SGK1: variants seen among roughly 807,000 people sequenced by gnomAD.
SGK1 encodes serum/glucocorticoid regulated kinase 1, also known as serine/threonine-protein kinase Sgk1.
SGK1 carries 26 observed loss-of-function variants against 64.2 expected under a neutral mutation model. The observed-to-expected ratio is 0.40, with a 90% CI of 0.30 to 0.56. The LOEUF (loss-of-function observed/expected upper bound fraction) is 0.56, where lower values mean the gene tolerates loss of function less well. Ranked by LOEUF, SGK1 falls within the 20% of genes least tolerant of loss-of-function variation. SGK1 has a pLI of 0.38. For missense variants in SGK1, 519 were observed against 645.6 expected, an observed-to-expected ratio of 0.80 and a Z score of 2.12; for synonymous variants, 265 against 239.7, an observed-to-expected ratio of 1.11 and a Z score of -0.98.
At chr6:134,183,043 C>T (rs115181484) in intron 3 of SGK1, among the ~76,000 whole-genome samples, 1,609 of 152,232 alleles carry the variant, frequency 0.011, 38 homozygotes, top group African/African-American at 0.037. Context: ...TCATACTTAT[C>T]GTGCTTTTTC....
At chr6:134,207,099 G>A (rs537147653) in intron 3 of SGK1, among the ~76,000 whole-genome samples, 8 of 151,910 alleles carry the variant, frequency 5.3e-5, no homozygotes, top group East Asian at 1.9e-4. Flanking sequence ...GGTGGCGGGC[G>A]CCTACAGTCC....
chr6:134,197,885 A>G (rs888661084), intron 3 of SGK1, among the ~76,000 whole-genome samples: 2 of 88,520 alleles, frequency 2.3e-5, no homozygotes, highest in African/African-American at 7.6e-5. Context: ...AAAATATAAA[A>G]TAAAATAAAA....
chr6:134,224,249 A>G (rs1414632370), intron 2 of SGK1, among the ~76,000 whole-genome samples: 4 of 152,224 alleles, frequency 2.6e-5, no homozygotes, highest in African/African-American at 9.6e-5. Flanking sequence ...CATCTCGACA[A>G]TGATTCTTTA....
chr6:134,213,833 T>C (rs1234282425), intron 2 of SGK1, among the ~76,000 whole-genome samples: 2 of 151,754 alleles, frequency 1.3e-5, no homozygotes, highest in African/African-American at 4.8e-5. Flanking sequence ...GGGAGTATGA[T>C]TGAGGAGGGG....
Position 134,171,646 on chromosome 6 carries a change from C to A in SGK1, c.1158G>T (p.Leu386=). 1.9e-6 allele frequency: 3 copies of A among 1,612,054 alleles called. No homozygotes were observed. Among genetic ancestry groups the A allele is most frequent in the Non-Finnish European group, 2.5e-6 (3 of 1,178,074 alleles). ...CCAATGTGCCACTCACCAGGCCATA[C>A]AGCATCTCATACAAGACAGCTCCCA... ...WCLGAVLYEM[L]YGLPPFYSRN... is the part of the protein sequence containing the mutation. The change falls in exon 11 of 14, where the codon CTG becomes CTT. Residue 386 remains leucine (L), a synonymous_variant. Transcript: ENST00000367858.
intron 1 of SGK1, among the ~76,000 whole-genome samples, chr6:134,315,607 T>C (rs942754446): frequency 2.0e-5 from 3 of 152,238 alleles, no homozygotes; most frequent in African/African-American, 7.2e-5. Context: ...TAAATCTACA[T>C]TGCTTAAGAA....
chr6:134,261,839 A>C (rs759469631), intron 2 of SGK1, 94 bp downstream of exon 2: 1 of 894,258 alleles, frequency 1.1e-6, no homozygotes, highest in Admixed American at 1.8e-5. Context: ...TGCATTAAAA[A>C]ATTATTTTTT....
In SGK1 at chr6:134,172,669, C is replaced by T. The variant is rs34133418; in HGVS notation, c.940G>A (p.Val314Ile). 6 of 1,605,082 alleles carry T rather than the reference C, an allele frequency of 3.7e-6. No individual in the cohort carries two copies. The African/African-American group carries it at 4.0e-5, about 11-fold the overall frequency. The part of the protein sequence containing the change: ...ALGYLHSLNI[V>I]YRDLKPENIL... ...AAGAGCTCTCAGGCTTACCTATAAACGATGTTCAGTGAATGCAGGTAGCCC... is the reference window on the plus strand; with the variant it reads ...AAGAGCTCTCAGGCTTACCTATAAATGATGTTCAGTGAATGCAGGTAGCCC... Residue 314 changes from valine to isoleucine, a missense_variant, in exon 9 of 14, where the codon GTT (valine) becomes ATT (isoleucine). Coordinates refer to ENST00000367858, the MANE Select transcript of SGK1 (RefSeq NM_001143676.3).
intron 2 of SGK1, among the ~76,000 whole-genome samples, chr6:134,253,006 A>T (rs185734083): frequency 6.6e-6 from 1 of 152,298 alleles, no homozygotes; most frequent in East Asian, 1.9e-4. Context: ...AGATCAGAAA[A>T]ACTCAAGACA....
intron 2 of SGK1, among the ~76,000 whole-genome samples, chr6:134,216,697 G>T (rs1395347971): frequency 6.6e-6 from 1 of 152,214 alleles, no homozygotes; most frequent in Non-Finnish European, 1.5e-5. Flanking sequence ...ACCTCTAAAT[G>T]TGAAGTATGC....
chr6:134,213,692 G>T (rs1050892216), intron 2 of SGK1, among the ~76,000 whole-genome samples: 7 of 151,852 alleles, frequency 4.6e-5, no homozygotes, highest in African/African-American at 1.7e-4. Context: ...TTAGCAGGAA[G>T]TTGGAAGCTA....
intron 2 of SGK1, among the ~76,000 whole-genome samples, chr6:134,212,632 G>A (rs189573169): frequency 1.1e-3 from 162 of 152,218 alleles, no homozygotes; most frequent in African/African-American, 3.8e-3. Flanking sequence ...TAAGGAGTTG[G>A]TTTTGAGGGA....
At chr6:134,177,990 A>G (rs1384315080) in intron 3 of SGK1, 1 of 625,322 alleles carries the variant, frequency 1.6e-6, no homozygotes, top group East Asian at 2.8e-5. Flanking sequence ...TCCTAGCTTT[A>G]TTACACCCCC....
intron 1 of SGK1, chr6:134,296,966 G>A (rs541389107): frequency 4.8e-6 from 2 of 416,928 alleles, no homozygotes; most frequent in Admixed American, 2.9e-5. Context: ...GCCGCAAGAG[G>A]GGCAGGCTGG....
intron 1 of SGK1, among the ~76,000 whole-genome samples, chr6:134,301,817 G>C (rs1478981452): frequency 6.6e-6 from 1 of 151,972 alleles, no homozygotes; most frequent in Admixed American, 6.6e-5. Flanking sequence ...GGCTGGTCTT[G>C]AACTCCTGGG....
intron 1 of SGK1, among the ~76,000 whole-genome samples, chr6:134,268,274 G>GCGAGAAACA (rs1202811763): frequency 2.6e-5 from 4 of 152,188 alleles, no homozygotes; most frequent in African/African-American, 9.7e-5. Context: ...AGCTGTGTGT[G>GCGAGAAACA]CGAGAAACAC....
chr6:134,209,308 C>T (rs368611339), intron 2 of SGK1, among the ~76,000 whole-genome samples: 1 of 152,056 alleles, frequency 6.6e-6, no homozygotes, highest in African/African-American at 2.4e-5. Context: ...GCAGCGCATG[C>T]CTGTAATCCC....
chr6:134,301,531 T>TTCTTCTCTTC (rs56681881), intron 1 of SGK1, among the ~76,000 whole-genome samples: 3,914 of 139,038 alleles, frequency 0.028, 71 homozygotes, highest in East Asian at 0.072. Flanking sequence ...CTTTTCTCTT[T>TTCTTCTCTTC]TCTTCTCTTC....
intron 1 of SGK1, among the ~76,000 whole-genome samples, chr6:134,264,796 A>G (rs1776826317): frequency 6.6e-6 from 1 of 152,016 alleles, no homozygotes; most frequent in South Asian, 2.1e-4. Flanking sequence ...GGCGTGCACC[A>G]CCATGACTGG....
Sources: gnomAD v4.1 joint callset for allele counts (sites outside exome capture counted in the v4.1 genomes callset) on GRCh38, gnomAD v4.1.1 for gene constraint, MANE v1.5 for transcripts, NCBI Gene and HGNC (gene_info 2026-07-23, HGNC 2026-07-21) for gene names.